The following GATB variants were observed in gnomAD, a reference collection of about 807,000 sequenced individuals.
GATB encodes the protein glutamyl-tRNA amidotransferase subunit B, also known as glutamyl-tRNA(Gln) amidotransferase subunit B, mitochondrial.
A neutral mutation model predicts 62.3 loss-of-function variants in GATB; 39 were observed. That is an observed-to-expected ratio of 0.63 (90% CI 0.48 to 0.82). The LOEUF is 0.82. Among genes scored for constraint, GATB ranks in the 40% least tolerant of loss-of-function variants. The pLI is 0.00. For missense variants in GATB, 670 were observed against 684.0 expected, an observed-to-expected ratio of 0.98 and a Z score of 0.23; for synonymous variants, 276 against 258.9, an observed-to-expected ratio of 1.07 and a Z score of -0.63.
chr4:151,743,504 T>C (rs1458106526), intron 2 of GATB, among the ~76,000 whole-genome samples: 1 of 152,272 alleles, frequency 6.6e-6, no homozygotes, highest in Non-Finnish European at 1.5e-5. Context: ...TTAATGTTTT[T>C]GGATGTATAC....
chr4:151,703,462 C>T (rs949556890), intron 8 of GATB: 4 of 225,064 alleles, frequency 1.8e-5, no homozygotes, highest in Non-Finnish European at 3.5e-5. Flanking sequence ...CTATCAACAT[C>T]TCTTTTCTCA....
intron 11 of GATB, among the ~76,000 whole-genome samples, chr4:151,676,887 G>C (rs1398399654): frequency 1.3e-5 from 2 of 152,298 alleles, no homozygotes; most frequent in East Asian, 3.9e-4. Flanking sequence ...GCAGTGAAAG[G>C]CAGAAGGAAT....
At chr4:151,717,133 GT>G in intron 3 of GATB, 59 bp from the exon 4 acceptor site, 1 of 1,488,104 alleles carries the variant, frequency 6.7e-7, no homozygotes, top group Non-Finnish European at 9.4e-7. Context: ...CTGGGATCCA[GT>G]TTACTATCCC....
At chr4:151,703,815 G>C in intron 8 of GATB, 36 bp downstream of exon 8, 2 of 1,413,878 alleles carry the variant, frequency 1.4e-6, no homozygotes, top group South Asian at 2.3e-5. Context: ...CCCAGCCCCC[G>C]ATATATAGCG....
chr4:151,683,351 CCT>C (rs1327661241), intron 10 of GATB, among the ~76,000 whole-genome samples: 3 of 152,192 alleles, frequency 2.0e-5, no homozygotes, highest in Non-Finnish European at 4.4e-5. Flanking sequence ...CCCGCTGCAC[CCT>C]GACTCCTGGG....
chr4:151,717,099 T>C (rs769100751), intron 3 of GATB, 25 bp from the exon 4 acceptor site: 9 of 1,605,104 alleles, frequency 5.6e-6, no homozygotes, highest in Admixed American at 1.7e-5. Flanking sequence ...AGGGTAAACA[T>C]AGTCACTGGT....
intron 10 of GATB, among the ~76,000 whole-genome samples, chr4:151,684,521 T>C (rs1044799576): frequency 5.9e-5 from 9 of 152,346 alleles, no homozygotes; most frequent in Non-Finnish European, 7.4e-5. Flanking sequence ...CTGGGTATCA[T>C]TGTGAGACTA....
At chr4:151,751,706 A>G (rs2126998848) in intron 2 of GATB, among the ~76,000 whole-genome samples, 1 of 152,290 alleles carries the variant, frequency 6.6e-6, no homozygotes, top group East Asian at 1.9e-4. Flanking sequence ...AGCTAATAAA[A>G]CACTATGATT....
chr4:151,679,209 T>C (rs1738080621), intron 11 of GATB, among the ~76,000 whole-genome samples: 1 of 152,234 alleles, frequency 6.6e-6, no homozygotes, highest in Non-Finnish European at 1.5e-5. Flanking sequence ...GGTATGTATT[T>C]GTAAGAATCT....
At chr4:151,732,913 A>C (rs1739297811) in intron 2 of GATB, among the ~76,000 whole-genome samples, 1 of 152,018 alleles carries the variant, frequency 6.6e-6, no homozygotes, top group African/African-American at 2.4e-5. Flanking sequence ...ACACACTTTT[A>C]TAACTGAATG....
chr4:151,738,582 T>G (rs1739424903), intron 2 of GATB, among the ~76,000 whole-genome samples: 1 of 152,206 alleles, frequency 6.6e-6, no homozygotes, highest in South Asian at 2.1e-4. Context: ...ATACAAGTAT[T>G]ATAATAACAC....
intron 8 of GATB, 81 bp downstream of exon 8, chr4:151,703,770 C>T (rs1024696424): frequency 5.1e-6 from 5 of 980,186 alleles, no homozygotes; most frequent in Non-Finnish European, 8.3e-6. Context: ...TGTTCAGGAT[C>T]ATTATGTTGA....
intron 2 of GATB, among the ~76,000 whole-genome samples, chr4:151,758,293 T>C (rs1258052119): frequency 6.6e-6 from 1 of 152,216 alleles, no homozygotes; most frequent in Non-Finnish European, 1.5e-5. Context: ...CCACCACCTC[T>C]TCAGTAACCC....
intron 5 of GATB, 89 bp from the exon 6 acceptor site, chr4:151,708,190 TA>T: frequency 1.2e-6 from 1 of 814,378 alleles, no homozygotes; most frequent in Non-Finnish European, 2.1e-6. Context: ...AAGCAGCATC[TA>T]ACTCTACCTG....
intron 11 of GATB, chr4:151,676,604 C>T (rs1163459575): frequency 6.6e-6 from 1 of 152,262 alleles, no homozygotes; most frequent in Non-Finnish European, 1.5e-5. Flanking sequence ...TGTGTCCAAG[C>T]TGACCCTGTC....
intron 10 of GATB, among the ~76,000 whole-genome samples, chr4:151,687,471 A>G (rs1481332871): frequency 6.6e-6 from 1 of 152,208 alleles, no homozygotes; most frequent in Non-Finnish European, 1.5e-5. Flanking sequence ...GGCCTAGCTC[A>G]CTTCAACCCA....
intron 9 of GATB, among the ~76,000 whole-genome samples, chr4:151,695,623 G>A (rs1738452146): frequency 6.6e-6 from 1 of 152,074 alleles, no homozygotes; most frequent in Admixed American, 6.5e-5. Flanking sequence ...CACAGCCAGG[G>A]CCCTGCAAGC....
chr4:151,690,007 A>G (rs1024067844), intron 9 of GATB, among the ~76,000 whole-genome samples: 1 of 152,206 alleles, frequency 6.6e-6, no homozygotes, highest in Middle Eastern at 3.2e-3. Context: ...TCCTTTACCC[A>G]TGGAAATTCA....
intron 3 of GATB, among the ~76,000 whole-genome samples, chr4:151,718,119 G>A (rs1477863181): frequency 1.3e-5 from 2 of 152,190 alleles, no homozygotes; most frequent in Non-Finnish European, 2.9e-5. Flanking sequence ...AAAGGTTTCC[G>A]ATTCAGTAGG....
Sources: gnomAD v4.1 joint callset for allele counts (sites outside exome capture counted in the v4.1 genomes callset) on GRCh38, gnomAD v4.1.1 for gene constraint, MANE v1.5 for transcripts, NCBI Gene and HGNC (gene_info 2026-07-23, HGNC 2026-07-21) for gene names.